The following S100A11 variants were observed in gnomAD, a reference collection of about 807,000 sequenced individuals.
S100A11 encodes the protein S100 calcium binding protein A11.
A neutral mutation model predicts 7.4 loss-of-function variants in S100A11; 5 were observed. The ratio of observed to expected loss-of-function variants is 0.68; its 90% CI spans 0.35 to 1.42. S100A11 has a LOEUF of 1.42. Among genes scored for constraint, S100A11 ranks in the 40% most tolerant of loss-of-function variants. The pLI, the probability that S100A11 is intolerant of heterozygous loss-of-function variation, is 0.04. For missense variants in S100A11, 96 were observed against 125.0 expected, an observed-to-expected ratio of 0.77 and a Z score of 1.11; for synonymous variants, 47 against 46.6, an observed-to-expected ratio of 1.01 and a Z score of -0.04.
At chr1:152,032,911 T>C in intron 2 of S100A11, 88 bp from the exon 3 acceptor site, 1 of 1,044,892 alleles carries the variant, frequency 9.6e-7, no homozygotes. Context: ...CACAGGAGTA[T>C]AAGGTACAGG....
At position 152,033,747 on chromosome 1, in the gene S100A11, A is replaced by G; in HGVS notation, c.57T>C (p.Ala19=). The change falls in exon 2 of 3, where the codon GCT becomes GCC. Residue 19 remains alanine, a synonymous_variant. Transcript: ENST00000271638. This position sits in a 1 kb window ranked among gnomAD's most constrained non-coding sequence, Gnocchi z 4.0. ...CCTTTCCAGCATACTTCTGGAAGACAGCAATCAGGGACTCGATGCACCGCT... is the reference window on the plus strand; with the variant it reads ...CCTTTCCAGCATACTTCTGGAAGACGGCAATCAGGGACTCGATGCACCGCT... ...ETERCIESLI[A]VFQKYAGKDG... is the part of the protein sequence containing the mutation. The G allele has an allele frequency of 6.2e-7, 1 of 1,613,904 alleles. No individual in the cohort carries two copies. Among genetic ancestry groups the G allele is most frequent in the Non-Finnish European group, 8.5e-7 (1 of 1,179,804 alleles).
rs115193069 is a variant in S100A11 at position 152,032,781 on chromosome 1, G to T, written c.199C>A (p.Leu67Met). The T allele has an allele frequency of 4.3e-4, 695 of 1,613,930 alleles. 2 individuals are homozygous for T. The African/African-American group carries it at 8.7e-3, about 20-fold the overall frequency. Reference sequence around the variant, plus strand: ...AGCTGACCATCACTGTTGGTGTCCAGTTTCTTCATCATGCGGTCAAGGACA... The same window carrying T: ...AGCTGACCATCACTGTTGGTGTCCATTTTCTTCATCATGCGGTCAAGGACA... ...PGVLDRMMKK[L>M]DTNSDGQLDF... Residue 67 changes from leucine to methionine, a missense_variant, in exon 3 of 3, where the codon CTG becomes ATG. By Grantham distance (15) the Leu-to-Met change is conservative. Transcript: ENST00000271638.
Position 152,036,936 on chromosome 1 carries a change from G to C in S100A11, c.-21C>G, listed in dbSNP as rs1243476082. 2 of 1,613,428 alleles carry C rather than the reference G, an allele frequency of 1.2e-6. No homozygotes were observed. Among genetic ancestry groups the C allele is most frequent in the Admixed American group, 3.3e-5 (2 of 59,994 alleles). On this transcript the variant is annotated 5_prime_UTR_variant, in exon 1 of 3. Coordinates refer to ENST00000271638, the MANE Select transcript of S100A11 (RefSeq NM_005620.2). Reference sequence around the variant, plus strand: ...ACCATGTTGGAGCTGAGCGAGGCGCGGGAGGCTGTGGCTGGGAGCGGCGCT... The same window carrying C: ...ACCATGTTGGAGCTGAGCGAGGCGCCGGAGGCTGTGGCTGGGAGCGGCGCT...
rs1395774877 is a variant in S100A11, at chr1:152,033,881, T to C, written c.4-81A>G. ...CTGGAGAAAACTCCAGGGACTCTTA[T>C]TTCAGGTCAAAGCAGTTTCCTAAAA... On this transcript the variant is annotated intron_variant, in intron 1 of 2. Transcript: ENST00000271638. The surrounding 1 kb of genome is among the most constrained non-coding windows in gnomAD (Gnocchi z 4.0). The C allele has an allele frequency of 7.8e-7, 1 of 1,279,260 alleles. No individual in the cohort carries two copies. Among genetic ancestry groups the C allele is most frequent in the Non-Finnish European group, 1.1e-6 (1 of 887,020 alleles). 79.2% of individuals were successfully genotyped at this position (1,279,260 alleles called of 1,614,324 possible). A position where few individuals can be genotyped will look rare whatever the true frequency, so the allele number is the denominator to read the frequency against.
At chr1:152,036,853 G>GT (rs552615539) in intron 1 of S100A11, 60 bp downstream of exon 1, 310 of 1,457,576 alleles carry the variant, frequency 2.1e-4, no homozygotes, top group Middle Eastern at 1.7e-4. Flanking sequence ...AAGTATGTGG[G>GT]TTTTTTTTCT....
At chr1:152,036,684 G>T (rs1450860093) in intron 1 of S100A11, among the ~76,000 whole-genome samples, 1 of 151,912 alleles carries the variant, frequency 6.6e-6, no homozygotes, top group Non-Finnish European at 1.5e-5. Flanking sequence ...TGACTGGGAA[G>T]GCTAAAGAAC....
intron 1 of S100A11, among the ~76,000 whole-genome samples, chr1:152,035,517 G>A (rs1656814225): frequency 6.6e-6 from 1 of 152,182 alleles, no homozygotes; most frequent in African/African-American, 2.4e-5. Flanking sequence ...CAGCCACAAG[G>A]AGAAAATTAA....
At chr1:152,034,622 T>C (rs888107820) in intron 1 of S100A11, among the ~76,000 whole-genome samples, 2 of 152,246 alleles carry the variant, frequency 1.3e-5, no homozygotes, top group African/African-American at 2.4e-5. Flanking sequence ...TACTGGGCTC[T>C]TTCCTCACAG....
In S100A11 at chr1:152,036,995, G is replaced by A. The variant is rs1000514775; in HGVS notation, c.-80C>T. ...TGTGCGCGCGGCGTGCGGGTCTGGA[G>A]CCTCTCCTCAACCCACGCCCTTCCC... On this transcript the variant is annotated 5_prime_UTR_variant, in exon 1 of 3. Coordinates refer to ENST00000271638, the MANE Select transcript of S100A11 (RefSeq NM_005620.2). The A allele has an allele frequency of 3.0e-5, 48 of 1,604,188 alleles. No homozygotes were observed. The highest frequency in any genetic ancestry group is 3.9e-5 in the Non-Finnish European group (46 of 1,175,422).
rs375877374 is a variant in S100A11 at position 152,033,767 on chromosome 1, A to T, written c.37T>A (p.Cys13Ser). Reference protein sequence around the residue: ...KISSPTETERCIESLIAVFQK... With the variant: ...KISSPTETERSIESLIAVFQK... ...AAGACAGCAATCAGGGACTCGATGCACCGCTCAGTCTCTGTAGGGCTGGAG... is the reference window on the plus strand; with the variant it reads ...AAGACAGCAATCAGGGACTCGATGCTCCGCTCAGTCTCTGTAGGGCTGGAG... Residue 13 changes from cysteine to serine, a missense_variant, in exon 2 of 3, where the codon TGC becomes AGC. By Grantham distance (112) the Cys-to-Ser change is moderately radical (BLOSUM62 -1). Coordinates refer to ENST00000271638, the MANE Select transcript of S100A11 (RefSeq NM_005620.2). This position sits in a 1 kb window ranked among gnomAD's most constrained non-coding sequence, Gnocchi z 4.0. The T allele has an allele frequency of 6.2e-7, 1 of 1,613,848 alleles. No homozygotes were observed. The highest frequency in any genetic ancestry group is 1.3e-5 in the African/African-American group (1 of 74,912).
chr1:152,034,275 C>T (rs527898209), intron 1 of S100A11, among the ~76,000 whole-genome samples: 31 of 152,368 alleles, frequency 2.0e-4, no homozygotes, highest in African/African-American at 7.0e-4. Context: ...GGGACTCACA[C>T]ATTTCCTTAG....
Position 152,033,514 on chromosome 1 carries a change from C to T in S100A11, c.156+134G>A, listed in dbSNP as rs1408305764. The stretch of plus-strand genomic sequence containing the variant: ...TCTCTCTTCCTAAATGGAAAAACTC[C>T]TGGCTTAGAGTGAGTTAAAATGAAG... On this transcript the variant is annotated intron_variant, in intron 2 of 2. Coordinates refer to ENST00000271638, the MANE Select transcript of S100A11 (RefSeq NM_005620.2). This position sits in a 1 kb window ranked among gnomAD's most constrained non-coding sequence, Gnocchi z 4.0. The T allele has an allele frequency of 1.2e-5, 9 of 771,392 alleles. No homozygotes were observed. The highest frequency in any genetic ancestry group is 3.5e-5 in the African/African-American group (2 of 57,554). The allele number at this position is 771,392 out of a possible 1,614,324, so 47.8% of individuals were successfully genotyped here.
intron 1 of S100A11, among the ~76,000 whole-genome samples, chr1:152,036,512 C>T (rs1238489195): frequency 1.3e-5 from 2 of 152,198 alleles, no homozygotes; most frequent in Non-Finnish European, 2.9e-5. Flanking sequence ...TAACTAGTGA[C>T]CCCTCGCAGC....
chr1:152,034,334 CTT>C (rs1227547075), intron 1 of S100A11, among the ~76,000 whole-genome samples: 1 of 152,200 alleles, frequency 6.6e-6, no homozygotes, highest in Admixed American at 6.5e-5. Flanking sequence ...GGAGATAGAA[CTT>C]TTTAGATGTT....
rs899260520 is a variant in S100A11, at chr1:152,033,545, G to T, written c.156+103C>A. The T allele has an allele frequency of 3.1e-5, 32 of 1,048,922 alleles. No individual in the cohort carries two copies. The African/African-American group carries it at 4.7e-4, about 16-fold the overall frequency. The allele number at this position is 1,048,922 out of a possible 1,614,324, so 65.0% of individuals were successfully genotyped here. A position where few individuals can be genotyped will look rare whatever the true frequency, so the allele number is the denominator to read the frequency against. On this transcript the variant is annotated intron_variant, in intron 2 of 2. Transcript: ENST00000271638. This position sits in a 1 kb window ranked among gnomAD's most constrained non-coding sequence, Gnocchi z 4.0. ...TAGAGTGAGTTAAAATGAAGCAAGA[G>T]TGTGGGGTGTCAGTTGCTGCTCCTT...
chr1:152,034,040 C>T (rs1013004802), intron 1 of S100A11, among the ~76,000 whole-genome samples: 5 of 152,336 alleles, frequency 3.3e-5, no homozygotes, highest in Admixed American at 3.3e-4. Flanking sequence ...TGGAGCATTG[C>T]TGGCACGTTT....
chr1:152,036,817 A>T, intron 1 of S100A11, 96 bp downstream of exon 1: 1 of 1,130,772 alleles, frequency 8.8e-7, no homozygotes, highest in Non-Finnish European at 1.3e-6. Flanking sequence ...ACGTCCACAC[A>T]TAAGTCAAAG....
At chr1:152,034,769 T>G (rs185192790) in intron 1 of S100A11, among the ~76,000 whole-genome samples, 1 of 152,226 alleles carries the variant, frequency 6.6e-6, no homozygotes. Flanking sequence ...GAAACCGGCC[T>G]GGCCACACCC....
Position 152,032,579 on chromosome 1 carries a change from CAG to C in S100A11, c.*81_*82del. ...GCCTGCATGAGGTGGTTAGTGTGCT[CAG>C]GGGATGGGTGGGCTGTGGAGATGAT... On this transcript the variant is annotated 3_prime_UTR_variant, in exon 3 of 3. Coordinates refer to ENST00000271638, the MANE Select transcript of S100A11 (RefSeq NM_005620.2). 7.6e-7 allele frequency: 1 copy of C among 1,312,988 alleles called. No individual in the cohort carries two copies. Among genetic ancestry groups the C allele is most frequent in the Non-Finnish European group, 1.1e-6 (1 of 938,648 alleles). The allele number at this position is 1,312,988 out of a possible 1,614,324, so 81.3% of individuals were successfully genotyped here. A position where few individuals can be genotyped will look rare whatever the true frequency, so the allele number is the denominator to read the frequency against.
Sources: allele counts gnomAD v4.1 joint callset (sites outside exome capture counted in the v4.1 genomes callset), GRCh38; gene constraint gnomAD v4.1.1; non-coding constraint Gnocchi (gnomAD v3.1); transcripts MANE v1.5; gene names NCBI Gene and HGNC (gene_info 2026-07-23, HGNC 2026-07-21).